The following SPAG17 variants were observed in gnomAD, a reference collection of about 807,000 sequenced individuals.
SPAG17 encodes sperm-associated antigen 17.
A neutral mutation model predicts 273.6 loss-of-function variants in SPAG17; 169 were observed. The observed-to-expected ratio is 0.62, with a 90% CI of 0.55 to 0.70. SPAG17 has a LOEUF of 0.70. SPAG17 is among the 30% of genes least tolerant of loss of function. The pLI, the probability that SPAG17 is intolerant of heterozygous loss-of-function variation, is 0.00. For synonymous variants in SPAG17, 825 were observed against 873.2 expected (o/e 0.94, Z 0.97); for missense variants, 2,557 against 2,627.8 (o/e 0.97, Z 0.59).
intron 43 of SPAG17, among the ~76,000 whole-genome samples, chr1:117,979,795 C>A (rs1328926692): frequency 2.6e-5 from 4 of 152,194 alleles, no homozygotes; most frequent in Non-Finnish European, 5.9e-5. Context: ...ATTCTTACTA[C>A]ATGAACTATT....
chr1:118,051,715 T>G (rs116726324), intron 20 of SPAG17, among the ~76,000 whole-genome samples: 5,431 of 146,058 alleles, frequency 0.037, 169 homozygotes, highest in Non-Finnish European at 0.056. Flanking sequence ...TAATATATAG[T>G]ATAATTACAA....
intron 43 of SPAG17, among the ~76,000 whole-genome samples, chr1:117,976,033 T>A (rs1004910257): frequency 6.6e-6 from 1 of 152,104 alleles, no homozygotes; most frequent in African/African-American, 2.4e-5. Flanking sequence ...AGAAGAGAAA[T>A]AGGAAGAGAT....
intron 20 of SPAG17, among the ~76,000 whole-genome samples, chr1:118,043,904 C>T (rs184086562): frequency 1.3e-4 from 20 of 152,126 alleles, no homozygotes; most frequent in African/African-American, 4.1e-4. Context: ...TACTTGTTAA[C>T]ATAAATAAAA....
At position 117,973,459 on chromosome 1, in the gene SPAG17, A is replaced by T. The variant is rs61729968; in HGVS notation, c.6107T>A (p.Leu2036Gln). 0.024 allele frequency: 38,742 copies of T among 1,613,914 alleles called. 1,682 individuals are homozygous for T. Among genetic ancestry groups the T allele is most frequent in the African/African-American group, 0.13 (9,878 of 75,014 alleles). Residue 2036 changes from leucine (L) to glutamine (Q), a missense_variant, in exon 44 of 49, where the codon CTG (leucine) becomes CAG (glutamine). Coordinates refer to ENST00000336338, the MANE Select transcript of SPAG17 (RefSeq NM_206996.4). ...AGGTTGAGACTTAGGCTTGGAACTC[A>T]GCAAATAATGAGGCAACTTCACTTT... ...KEKVKLPHYLLSSKPKSQPLA... is the reference protein window; with the variant it reads ...KEKVKLPHYLQSSKPKSQPLA...
At chr1:118,144,825 G>A (rs1226054206) in intron 3 of SPAG17, among the ~76,000 whole-genome samples, 4 of 152,072 alleles carry the variant, frequency 2.6e-5, no homozygotes, top group Admixed American at 1.3e-4. Context: ...TTCCCTTTCC[G>A]AAAATCACGT....
At position 118,041,908 on chromosome 1, in the gene SPAG17, C is replaced by A; in HGVS notation, c.2949G>T (p.Leu983Phe). ...DNAEKEDSRSLKKKSPYKEKS... is the reference protein window; with the variant it reads ...DNAEKEDSRSFKKKSPYKEKS... ...TCTCCTTGTAAGGTGATTTTTTCTT[C>A]AAAGACCTACTATCCTCTTTCTCTG... Residue 983 changes from leucine to phenylalanine, a missense_variant, in exon 21 of 49, where the codon TTG becomes TTT. Leu to Phe is a conservative substitution (Grantham distance 22). Transcript: ENST00000336338. The A allele has an allele frequency of 6.2e-7, 1 of 1,613,872 alleles. No individual in the cohort carries two copies.
intron 3 of SPAG17, 117 bp from the exon 4 acceptor site, chr1:118,115,558 C>A: frequency 9.4e-7 from 1 of 1,065,168 alleles, no homozygotes; most frequent in Non-Finnish European, 1.3e-6. Context: ...AAAGATACTT[C>A]ATTGCTGGCT....
intron 10 of SPAG17, among the ~76,000 whole-genome samples, chr1:118,090,684 G>T (rs532198701): frequency 6.6e-6 from 1 of 152,218 alleles, no homozygotes; most frequent in Non-Finnish European, 1.5e-5. Flanking sequence ...ACGAGTTAAA[G>T]ACCATACTGG....
chr1:118,010,470 T>C (rs962436037), intron 30 of SPAG17, among the ~76,000 whole-genome samples: 1 of 152,092 alleles, frequency 6.6e-6, no homozygotes, highest in Non-Finnish European at 1.5e-5. Context: ...ATGAAAGGAC[T>C]CCCTATTCAA....
chr1:118,045,501 T>G (rs1449656407), intron 20 of SPAG17, among the ~76,000 whole-genome samples: 1 of 152,250 alleles, frequency 6.6e-6, no homozygotes, highest in Non-Finnish European at 1.5e-5. Flanking sequence ...TGCTTGGGAC[T>G]CTTCTGGACC....
rs772685293 is a variant in SPAG17 at position 118,073,909 on chromosome 1, C to A, written c.2330G>T (p.Arg777Leu). 3 of 1,575,782 alleles carry A rather than the reference C, an allele frequency of 1.9e-6. No individual in the cohort carries two copies. Among genetic ancestry groups the A allele is most frequent in the African/African-American group, 2.8e-5 (2 of 71,668 alleles). Reference protein sequence around the residue: ...DLEDIKKTQQRSLMDWSFTEH... With the variant: ...DLEDIKKTQQLSLMDWSFTEH... Reference sequence around the variant, plus strand: ...AGTAAAACTCCAGTCCATTAGACTGCGCTGCTGTGTTTTCTTTATGTCCTC... The same window carrying A: ...AGTAAAACTCCAGTCCATTAGACTGAGCTGCTGTGTTTTCTTTATGTCCTC... Residue 777 changes from arginine (R) to leucine (L), a missense_variant, in exon 17 of 49, where the codon CGC becomes CTC. Transcript: ENST00000336338.
chr1:118,060,218 T>TACATAAAAC (rs1286716259), intron 18 of SPAG17, among the ~76,000 whole-genome samples: 2 of 152,172 alleles, frequency 1.3e-5, no homozygotes, highest in Non-Finnish European at 2.9e-5. Flanking sequence ...GCTTTGTGGT[T>TACATAAAAC]ACATAAAACA....
chr1:118,041,978 TCTG>T lies in SPAG17; in HGVS notation c.2876_2878del (p.Ala959del). 6.2e-7 allele frequency: 1 copy of T among 1,614,052 alleles called. No individual in the cohort carries two copies. Among genetic ancestry groups the T allele is most frequent in the Non-Finnish European group, 8.5e-7 (1 of 1,179,956 alleles). On this transcript the variant is annotated inframe_deletion, in exon 21 of 49. Transcript: ENST00000336338. Reference sequence around the variant, plus strand: ...TTTACCAGCTTCTTTACCCTTCTTCTCTGCTTTCTTTTCTTCCCTTAAGCGCTC... The same window carrying T: ...TTTACCAGCTTCTTTACCCTTCTTCTCTTTCTTTTCTTCCCTTAAGCGCTC...
chr1:117,955,007 T>G, intron 48 of SPAG17: 1 of 382,716 alleles, frequency 2.6e-6, no homozygotes, highest in Non-Finnish European at 4.6e-6. Context: ...GATGGGAGAA[T>G]GTATGTTTAT....
chr1:118,022,304 AT>A (rs1334860068), intron 28 of SPAG17, among the ~76,000 whole-genome samples: 4 of 152,066 alleles, frequency 2.6e-5, no homozygotes, highest in Non-Finnish European at 5.9e-5. Context: ...GAAATATCAG[AT>A]TTTTTTCCTG....
chr1:118,149,987 A>T (rs1321511154), intron 3 of SPAG17, among the ~76,000 whole-genome samples: 1 of 152,184 alleles, frequency 6.6e-6, no homozygotes, highest in African/African-American at 2.4e-5. Context: ...TTTTATACTA[A>T]GCAGCTGTTG....
chr1:118,155,961 G>A (rs182116441), intron 1 of SPAG17, among the ~76,000 whole-genome samples: 74 of 152,302 alleles, frequency 4.9e-4, no homozygotes, highest in African/African-American at 1.7e-3. Context: ...TCATATTTGT[G>A]TGACTCTAAC....
At chr1:118,031,167 G>C (rs1648411902) in intron 25 of SPAG17, among the ~76,000 whole-genome samples, 1 of 148,110 alleles carries the variant, frequency 6.8e-6, no homozygotes, top group Non-Finnish European at 1.5e-5. Flanking sequence ...GGGGTAATAG[G>C]AGGACTACTC....
chr1:118,023,852 A>G (rs565801532), intron 27 of SPAG17, among the ~76,000 whole-genome samples: 48 of 152,208 alleles, frequency 3.2e-4, no homozygotes, highest in African/African-American at 1.1e-3. Context: ...ACATATTTAA[A>G]TTTGTAGTTT....
Sources: allele counts gnomAD v4.1 joint callset (sites outside exome capture counted in the v4.1 genomes callset), GRCh38; gene constraint gnomAD v4.1.1; transcripts MANE v1.5; gene names NCBI Gene and HGNC (gene_info 2026-07-23, HGNC 2026-07-21).